The following SMO variants were observed in gnomAD, a reference collection of about 807,000 sequenced individuals.
SMO encodes the protein protein smoothened.
Under a neutral mutation model 81.6 loss-of-function variants are expected in SMO, and 40 were observed. The observed-to-expected ratio is 0.49, with a 90% confidence interval of 0.38 to 0.64. The LOEUF is 0.64. Among genes scored for constraint, SMO ranks in the 30% least tolerant of loss-of-function variants. SMO has a pLI of 0.00. For missense variants in SMO, 916 were observed against 1,061.1 expected, an observed-to-expected ratio of 0.86 and a Z score of 1.90; for synonymous variants, 434 against 432.1, an observed-to-expected ratio of 1.00 and a Z score of -0.05.
intron 2 of SMO, 76 bp from the exon 3 acceptor site, chr7:129,205,127 C>G: frequency 7.6e-7 from 1 of 1,314,142 alleles, no homozygotes; most frequent in Non-Finnish European, 1.1e-6. Context: ...TGCCATGCTA[C>G]CTAGATACCT....
Position 129,211,388 on chromosome 7 carries a change from C to T in SMO, c.1802-248C>T, listed in dbSNP as rs1196514918. ...CCTTCTCATAAATTCTCCAGTTGCT[C>T]TCCCTGGGCAAGAGTAAGTCAGGGT... On this transcript the variant is annotated intron_variant, in intron 10 of 11. Transcript: ENST00000249373. This position sits in a 1 kb window ranked among gnomAD's most constrained non-coding sequence, Gnocchi z 4.6. 3 of 710,374 alleles carry T rather than the reference C, an allele frequency of 4.2e-6. No individual in the cohort carries two copies. Among genetic ancestry groups the T allele is most frequent in the Middle Eastern group, 2.3e-4 (1 of 4,370 alleles). 44.0% of individuals were successfully genotyped at this position (710,374 alleles called of 1,614,324 possible).
intron 1 of SMO, among the ~76,000 whole-genome samples, chr7:129,190,873 A>G (rs1450655648): frequency 1.3e-5 from 2 of 152,236 alleles, no homozygotes; most frequent in Non-Finnish European, 2.9e-5. Context: ...CGATGTTTGC[A>G]TACATGTGTT....
In SMO at chr7:129,210,563, C is replaced by T. The variant is rs201425398; in HGVS notation, c.1652+15C>T. 29 of 1,602,852 alleles carry T rather than the reference C, an allele frequency of 1.8e-5. No homozygotes were observed. In the South Asian group the frequency reaches 3.1e-4, roughly 17 times the overall value. On this transcript the variant is annotated intron_variant, in intron 9 of 11. Transcript: ENST00000249373. The surrounding 1 kb of genome is among the most constrained non-coding windows in gnomAD (Gnocchi z 4.7). ...ACCTGGTGCAGGTGGGCATGGCAGC[C>T]AGCCCCTCCTGCCCTGCCCGCCTCA... is the stretch of plus-strand genomic sequence containing the variant.
Position 129,208,202 on chromosome 7 carries a change from C to T in SMO, c.1265-557C>T, listed in dbSNP as rs113775746. Among the ~76,000 whole-genome samples, 2,008 of 152,130 alleles carry T rather than the reference C, an allele frequency of 0.013. 45 individuals are homozygous for T. The highest frequency in any genetic ancestry group is 0.045 in the African/African-American group (1,886 of 41,498). ...GCATGGTGGCTCACACCTGTAATCC[C>T]AGCACTTTGGGAGGCCGAGGTGGGC... On this transcript the variant is annotated intron_variant, in intron 6 of 11. Coordinates refer to ENST00000249373, the MANE Select transcript of SMO (RefSeq NM_005631.5). The surrounding 1 kb of genome is among the most constrained non-coding windows in gnomAD (Gnocchi z 5.2).
At chr7:129,193,786 ATATAT>A (rs1316761818) in intron 1 of SMO, among the ~76,000 whole-genome samples, 4 of 21,396 alleles carry the variant, frequency 1.9e-4, no homozygotes, top group African/African-American at 1.9e-4. Flanking sequence ...AAAAAAAAAA[ATATAT>A]ATATATATAT....
At chr7:129,193,903 G>A (rs1365730155) in intron 1 of SMO, among the ~76,000 whole-genome samples, 2 of 140,202 alleles carry the variant, frequency 1.4e-5, no homozygotes, top group East Asian at 2.1e-4. Context: ...CCAGGAGTTC[G>A]AGACCAGCCT....
rs1793445905 is a variant in SMO, at chr7:129,189,295, G to A, written c.144G>A (p.Ala48=). The change falls in exon 1 of 12, where the codon GCG becomes GCA. Residue 48 remains alanine, a synonymous_variant. Transcript: ENST00000249373. The surrounding 1 kb of genome is among the most constrained non-coding windows in gnomAD (Gnocchi z 4.7). Reference sequence around the variant, plus strand: ...GGCCTCGGAGCGCGGGCGGGAGCGCGAGGAGGAGCGCGGCGGTGACTGGCC... The same window carrying A: ...GGCCTCGGAGCGCGGGCGGGAGCGCAAGGAGGAGCGCGGCGGTGACTGGCC... ...GPGPRSAGGS[A]RRSAAVTGPP... is the part of the protein sequence containing the mutation. The A allele has an allele frequency of 7.0e-7, 1 of 1,434,446 alleles. No individual in the cohort carries two copies. Among genetic ancestry groups the A allele is most frequent in the Non-Finnish European group, 9.1e-7 (1 of 1,104,396 alleles). The allele number at this position is 1,434,446 out of a possible 1,614,324, so 88.9% of individuals were successfully genotyped here.
At chr7:129,207,711 A>G (rs1490220016) in intron 6 of SMO, among the ~76,000 whole-genome samples, 2 of 152,056 alleles carry the variant, frequency 1.3e-5, no homozygotes, top group Non-Finnish European at 2.9e-5. Flanking sequence ...TGAACAACAT[A>G]GTGAAACCCC....
chr7:129,200,449 T>C (rs958720597), intron 1 of SMO, among the ~76,000 whole-genome samples: 2 of 152,162 alleles, frequency 1.3e-5, no homozygotes, highest in African/African-American at 4.8e-5. Context: ...CCATCTTTTC[T>C]TCTAAAACTT....
Position 129,189,533 on chromosome 7 carries a change from G to A in SMO, c.331+51G>A, listed in dbSNP as rs190138796. ...GGGGCGGGAGGTGCCGCGGTAAGATGGGGGCACCCTTGGAAAGAACAGGCT... is the reference window on the plus strand; with the variant it reads ...GGGGCGGGAGGTGCCGCGGTAAGATAGGGGCACCCTTGGAAAGAACAGGCT... On this transcript the variant is annotated intron_variant, in intron 1 of 11. Coordinates refer to ENST00000249373, the MANE Select transcript of SMO (RefSeq NM_005631.5). The surrounding 1 kb of genome is among the most constrained non-coding windows in gnomAD (Gnocchi z 4.7). The A allele has an allele frequency of 3.0e-4, 464 of 1,525,074 alleles. 2 individuals carry two copies. The African/African-American group carries it at 5.9e-3, about 19-fold the overall frequency. 94.5% of individuals were successfully genotyped at this position (1,525,074 alleles called of 1,614,324 possible).
rs1409206017 is a variant in SMO, at chr7:129,189,380, G to T, written c.229G>T (p.Val77Leu). The T allele has an allele frequency of 6.5e-7, 1 of 1,535,066 alleles. No individual in the cohort carries two copies. The highest frequency in any genetic ancestry group is 1.4e-5 in the African/African-American group (1 of 72,766). ...CCCCTGCGAGCCGCTGCGCTACAAC[G>T]TGTGCCTGGGCTCGGTGCTGCCCTA... ...AAPCEPLRYN[V>L]CLGSVLPYGA... Residue 77 changes from valine (V) to leucine (L), a missense_variant, in exon 1 of 12, where the codon GTG (valine) becomes TTG (leucine). By Grantham distance (32) the Val-to-Leu change is conservative. This residue lies in a region of SMO where 146 missense variants were observed against 149.9 expected (regional missense o/e 0.97). Coordinates refer to ENST00000249373, the MANE Select transcript of SMO (RefSeq NM_005631.5). This position sits in a 1 kb window ranked among gnomAD's most constrained non-coding sequence, Gnocchi z 4.7.
At chr7:129,190,514 C>T (rs1489984975) in intron 1 of SMO, among the ~76,000 whole-genome samples, 2 of 152,248 alleles carry the variant, frequency 1.3e-5, no homozygotes, top group African/African-American at 2.4e-5. Flanking sequence ...GGGAGCCTCC[C>T]TCTTTTGACA....
chr7:129,192,570 A>C (rs1462375899), intron 1 of SMO, among the ~76,000 whole-genome samples: 2 of 152,146 alleles, frequency 1.3e-5, no homozygotes, highest in Non-Finnish European at 2.9e-5. Flanking sequence ...GAAGTAGCCC[A>C]AGTAAGAGAC....
chr7:129,200,550 G>A (rs1000724557), intron 1 of SMO, among the ~76,000 whole-genome samples: 1 of 152,042 alleles, frequency 6.6e-6, no homozygotes, highest in Admixed American at 6.6e-5. Context: ...TTTTTCCCCA[G>A]ATAATTTCTT....
rs1445538967 is a variant in SMO at position 129,206,125 on chromosome 7, A to G, written c.921-25A>G. 1 of 1,547,780 alleles carries G rather than the reference A, an allele frequency of 6.5e-7. No homozygotes were observed. Among genetic ancestry groups the G allele is most frequent in the Admixed American group, 1.8e-5 (1 of 57,108 alleles). Reference sequence around the variant, plus strand: ...GAGGGAGTACAGAGTGACCGCCTCAAGTGACACCTCACCTCTCTGCACAGC... The same window carrying G: ...GAGGGAGTACAGAGTGACCGCCTCAGGTGACACCTCACCTCTCTGCACAGC... On this transcript the variant is annotated intron_variant, in intron 4 of 11. Coordinates refer to ENST00000249373, the MANE Select transcript of SMO (RefSeq NM_005631.5). This position sits in a 1 kb window ranked among gnomAD's most constrained non-coding sequence, Gnocchi z 4.4.
chr7:129,209,142 A>G, intron 7 of SMO, 147 bp from the exon 8 acceptor site: 1 of 622,834 alleles, frequency 1.6e-6, no homozygotes, highest in East Asian at 2.7e-5. Context: ...TATTTTAGAG[A>G]AAGCAGTTCT....
chr7:129,201,900 T>C (rs1292575705), intron 1 of SMO, among the ~76,000 whole-genome samples: 2 of 152,154 alleles, frequency 1.3e-5, no homozygotes, highest in East Asian at 1.9e-4. Flanking sequence ...AGGCTGGTCT[T>C]GAACTCCTAG....
rs2150650972 is a variant in SMO at position 129,206,631 on chromosome 7, C to T, written c.1264+44C>T. ...AGGACCAGTTGGGCAACAAAATATA[C>T]TGGGCACTTGCTGCCAGTACTGGGA... is the stretch of plus-strand genomic sequence containing the variant. On this transcript the variant is annotated intron_variant, in intron 6 of 11. Coordinates refer to ENST00000249373, the MANE Select transcript of SMO (RefSeq NM_005631.5). The surrounding 1 kb of genome is among the most constrained non-coding windows in gnomAD (Gnocchi z 4.4). 1 of 1,602,578 alleles carries T rather than the reference C, an allele frequency of 6.2e-7. No homozygotes were observed. Among genetic ancestry groups the T allele is most frequent in the Non-Finnish European group, 8.5e-7 (1 of 1,172,966 alleles).
At chr7:129,199,549 A>G (rs1276705038) in intron 1 of SMO, among the ~76,000 whole-genome samples, 1 of 152,148 alleles carries the variant, frequency 6.6e-6, no homozygotes, top group Non-Finnish European at 1.5e-5. Context: ...AGCCTGAGCA[A>G]CATGGTGAAA....
Sources: gnomAD v4.1 joint callset for allele counts (sites outside exome capture counted in the v4.1 genomes callset) on GRCh38, gnomAD v4.1.1 for gene constraint, gnomAD v4.1.1 regional missense constraint, Gnocchi (gnomAD v3.1) non-coding constraint, MANE v1.5 for transcripts, NCBI Gene and HGNC (gene_info 2026-07-23, HGNC 2026-07-21) for gene names.